GTF2E2: variants seen among roughly 807,000 people sequenced by gnomAD.
GTF2E2 encodes general transcription factor IIE subunit 2, also known as transcription initiation factor IIE subunit beta.
A neutral mutation model predicts 40.5 loss-of-function variants in GTF2E2; 21 were observed. That is an observed-to-expected ratio of 0.52 (90% CI 0.37 to 0.75). GTF2E2 has a LOEUF of 0.75. Among genes scored for constraint, GTF2E2 ranks in the 30% least tolerant of loss-of-function variants. GTF2E2 has a pLI of 0.00. For missense variants in GTF2E2, 298 were observed against 338.4 expected (o/e 0.88, Z 0.94); for synonymous variants, 117 against 121.6 (o/e 0.96, Z 0.25).
chr8:30,579,933 GA>G (rs1334656940), intron 7 of GTF2E2, among the ~76,000 whole-genome samples: 2 of 152,220 alleles, frequency 1.3e-5, no homozygotes, highest in Non-Finnish European at 1.5e-5. Flanking sequence ...GTTCAAGTCT[GA>G]AAGGTTGTGC....
intron 3 of GTF2E2, among the ~76,000 whole-genome samples, chr8:30,620,569 C>G (rs559130329): frequency 6.6e-6 from 1 of 152,142 alleles, no homozygotes; most frequent in South Asian, 2.1e-4. Context: ...ATAACATATA[C>G]AATGTATTGA....
chr8:30,588,212 A>G (rs1472052665), intron 6 of GTF2E2, among the ~76,000 whole-genome samples: 1 of 152,152 alleles, frequency 6.6e-6, no homozygotes, highest in Non-Finnish European at 1.5e-5. Flanking sequence ...CAGCAATCCC[A>G]CTTCTGGATA....
intron 6 of GTF2E2, among the ~76,000 whole-genome samples, chr8:30,594,057 A>C (rs548335652): frequency 6.6e-6 from 1 of 151,752 alleles, no homozygotes; most frequent in Non-Finnish European, 1.5e-5. Flanking sequence ...CAGCCCCCCA[A>C]GTAGCTGGGA....
At chr8:30,619,704 A>T (rs1373681350) in intron 3 of GTF2E2, among the ~76,000 whole-genome samples, 1 of 152,004 alleles carries the variant, frequency 6.6e-6, no homozygotes, top group Non-Finnish European at 1.5e-5. Flanking sequence ...CATATTTTTT[A>T]AAATGGGAGT....
intron 3 of GTF2E2, among the ~76,000 whole-genome samples, chr8:30,632,849 G>C (rs983551392): frequency 1.3e-5 from 2 of 152,070 alleles, no homozygotes; most frequent in African/African-American, 4.8e-5. Flanking sequence ...AGTGATTTTT[G>C]ACATATAACT....
At chr8:30,619,475 A>G (rs1801021682) in intron 3 of GTF2E2, among the ~76,000 whole-genome samples, 1 of 148,942 alleles carries the variant, frequency 6.7e-6, no homozygotes, top group Non-Finnish European at 1.5e-5. Context: ...CGCAACCGCC[A>G]CCTCCCAGGT....
rs114684055 is a variant in GTF2E2 at position 30,602,899 on chromosome 8, T to A, written c.643+4158A>T. On this transcript the variant is annotated intron_variant, in intron 6 of 7. Coordinates refer to ENST00000355904, the MANE Select transcript of GTF2E2 (RefSeq NM_002095.6). ...TTACAGTCCCACACGTGGACACTAT[T>A]CTGACCCTTGGCAAGGCTAGCTCCA... 2.9e-3 allele frequency among the ~76,000 whole-genome samples: 448 copies of A among 152,308 alleles called. 1 individual carries two copies. Among genetic ancestry groups the A allele is most frequent in the African/African-American group, 0.01 (422 of 41,568 alleles).
At position 30,578,898 on chromosome 8, in the gene GTF2E2, C is replaced by A. The variant is rs1267429496; in HGVS notation, c.*23G>T. 9.6e-6 allele frequency: 11 copies of A among 1,145,078 alleles called. No homozygotes were observed. Among genetic ancestry groups the A allele is most frequent in the Non-Finnish European group, 1.5e-5 (11 of 751,418 alleles). 70.9% of individuals were successfully genotyped at this position (1,145,078 alleles called of 1,614,324 possible). ...CACTCTTGATTGTGTATCTGTAACT[C>A]TGTTCCAGGGCAAAACTGTTCCCTA... is the stretch of plus-strand genomic sequence containing the variant. On this transcript the variant is annotated 3_prime_UTR_variant, in exon 8 of 8. Transcript: ENST00000355904.
At chr8:30,638,743 A>G (rs900465341) in intron 2 of GTF2E2, 1 of 152,514 alleles carries the variant, frequency 6.6e-6, no homozygotes, top group Non-Finnish European at 1.5e-5. Context: ...CTCCTACTAA[A>G]TATCAAGAAA....
intron 2 of GTF2E2, among the ~76,000 whole-genome samples, chr8:30,640,080 C>T (rs1358847173): frequency 6.6e-6 from 1 of 152,190 alleles, no homozygotes; most frequent in Non-Finnish European, 1.5e-5. Context: ...CATCAGCCTG[C>T]ATTTTGCTTG....
chr8:30,625,119 A>T (rs1226648710), intron 3 of GTF2E2, among the ~76,000 whole-genome samples: 1 of 152,056 alleles, frequency 6.6e-6, no homozygotes, highest in Non-Finnish European at 1.5e-5. Flanking sequence ...GTTTTTGCCC[A>T]TTCAGTATGA....
chr8:30,586,697 G>A (rs1225228925), intron 6 of GTF2E2, among the ~76,000 whole-genome samples: 4 of 152,100 alleles, frequency 2.6e-5, no homozygotes, highest in Non-Finnish European at 5.9e-5. Context: ...GCCCAGTAAT[G>A]AACCCATGCA....
chr8:30,581,572 T>C (rs1266398182), intron 6 of GTF2E2, among the ~76,000 whole-genome samples: 2 of 152,184 alleles, frequency 1.3e-5, no homozygotes. Flanking sequence ...AGTGGCAAAA[T>C]CTACTACAAA....
At chr8:30,632,007 G>A (rs1801449543) in intron 3 of GTF2E2, among the ~76,000 whole-genome samples, 1 of 152,218 alleles carries the variant, frequency 6.6e-6, no homozygotes, top group Non-Finnish European at 1.5e-5. Flanking sequence ...TTACTTGGGA[G>A]GTTGAGGTGG....
intron 6 of GTF2E2, among the ~76,000 whole-genome samples, chr8:30,589,211 G>A (rs529171702): frequency 7.9e-5 from 12 of 152,158 alleles, no homozygotes; most frequent in African/African-American, 2.6e-4. Context: ...AACCAAGATC[G>A]CACTACTGCA....
At chr8:30,642,010 A>G (rs752531681) in intron 2 of GTF2E2, among the ~76,000 whole-genome samples, 2 of 152,256 alleles carry the variant, frequency 1.3e-5, no homozygotes, top group Non-Finnish European at 2.9e-5. Context: ...TAAAGTATAC[A>G]GTCTAACAAA....
intron 2 of GTF2E2, among the ~76,000 whole-genome samples, chr8:30,644,748 GA>G (rs890835356): frequency 6.6e-5 from 5 of 76,064 alleles, no homozygotes; most frequent in Admixed American, 4.2e-4. Flanking sequence ...TTCGGTATAT[GA>G]ATTTTTTTTT....
At position 30,634,881 on chromosome 8, in the gene GTF2E2, G is replaced by A. The variant is rs1801539511; in HGVS notation, c.258+151C>T. ...ATTAATACAATGTAAAAGGCTTGAG[G>A]TATAATTGGCATACAATAAACTGCA... On this transcript the variant is annotated intron_variant, in intron 3 of 7. Transcript: ENST00000355904. The A allele has an allele frequency of 1.5e-4, 90 of 586,644 alleles. No individual in the cohort carries two copies. In the South Asian group the frequency reaches 1.9e-3, roughly 13 times the overall value. 36.3% of individuals were successfully genotyped at this position (586,644 alleles called of 1,614,324 possible). A position where few individuals can be genotyped will look rare whatever the true frequency, so the allele number is the denominator to read the frequency against.
intron 3 of GTF2E2, among the ~76,000 whole-genome samples, chr8:30,630,253 G>T (rs1342932877): frequency 2.6e-5 from 4 of 152,072 alleles, no homozygotes; most frequent in African/African-American, 9.7e-5. Flanking sequence ...AGATGAGGTG[G>T]GCAGTTTGTC....
Sources: gnomAD v4.1 joint callset for allele counts (sites outside exome capture counted in the v4.1 genomes callset) on GRCh38, gnomAD v4.1.1 for gene constraint, MANE v1.5 for transcripts, NCBI Gene and HGNC (gene_info 2026-07-23, HGNC 2026-07-21) for gene names.